Variants in NFKBIE observed in about 807,000 individuals in gnomAD.
NFKBIE encodes the protein NF-kappa-B inhibitor epsilon.
Under a neutral mutation model 31.6 loss-of-function variants are expected in NFKBIE, and 11 were observed. That is an observed-to-expected ratio of 0.35 (90% CI 0.22 to 0.58). The LOEUF (loss-of-function observed/expected upper bound fraction) is 0.58. NFKBIE is among the 20% of genes least tolerant of loss of function. NFKBIE has a pLI of 0.83. For missense variants in NFKBIE, 354 were observed against 465.7 expected, an observed-to-expected ratio of 0.76 and a Z score of 2.21; for synonymous variants, 208 against 210.1, an observed-to-expected ratio of 0.99 and a Z score of 0.09.
Position 44,261,476 on chromosome 6 carries a change from G to A in NFKBIE, c.691+150C>T, listed in dbSNP as rs563206392. 15 of 727,930 alleles carry A rather than the reference G, an allele frequency of 2.1e-5. No individual in the cohort carries two copies. The Admixed American group carries it at 3.4e-4, about 17-fold the overall frequency. 45.1% of individuals were successfully genotyped at this position (727,930 alleles called of 1,614,324 possible). A position where few individuals can be genotyped will look rare whatever the true frequency, so the allele number is the denominator to read the frequency against. ...AATCAAATCATCCATTCATTCATTT[G>A]GCAAAGATGTACTGAATATCTATGT... On this transcript the variant is annotated intron_variant, in intron 3 of 5. Coordinates refer to ENST00000619360, the MANE Select transcript of NFKBIE (RefSeq NM_004556.3). This position sits in a 1 kb window ranked among gnomAD's most constrained non-coding sequence, Gnocchi z 4.3.
rs373068223 is a variant in NFKBIE, at chr6:44,261,872, T to C, written c.469-24A>G. 7.9e-5 allele frequency: 125 copies of C among 1,585,768 alleles called. No individual in the cohort carries two copies. The highest frequency in any genetic ancestry group is 1.0e-4 in the Non-Finnish European group (122 of 1,166,666). ...GTCTGGAGGCACAAATAGAGGGTCATGGGGCCACTGCAGCATGCTCCCACC... is the reference window on the plus strand; with the variant it reads ...GTCTGGAGGCACAAATAGAGGGTCACGGGGCCACTGCAGCATGCTCCCACC... On this transcript the variant is annotated intron_variant, in intron 2 of 5. Coordinates refer to ENST00000619360, the MANE Select transcript of NFKBIE (RefSeq NM_004556.3). The surrounding 1 kb of genome is among the most constrained non-coding windows in gnomAD (Gnocchi z 4.3).
rs755705197 is a variant in NFKBIE at position 44,261,736 on chromosome 6, A to G, written c.581T>C (p.Val194Ala). Residue 194 changes from valine to alanine, a missense_variant, in exon 3 of 6, where the codon GTG becomes GCG. By Grantham distance (64) the Val-to-Ala change is moderately conservative. Coordinates refer to ENST00000619360, the MANE Select transcript of NFKBIE (RefSeq NM_004556.3). The surrounding 1 kb of genome is among the most constrained non-coding windows in gnomAD (Gnocchi z 4.3). ...GGCCAAGTGCTGGCGCTGGCAGGCC[A>G]CATGAAGGGCTGTGTCACCATGCCG... ...QDRHGDTALH[V>A]ACQRQHLACA... 23 of 1,613,952 alleles carry G rather than the reference A, an allele frequency of 1.4e-5. No individual in the cohort carries two copies. In the African/African-American group the frequency reaches 2.0e-4, roughly 14 times the overall value.
chr6:44,259,198 G>A lies in NFKBIE; in HGVS notation c.*21C>T, dbSNP rs557750802. ...CCAGATGGAGAGGTGGAGCCCTGAG[G>A]ATCCCAGACCCTGCCTGGCTTCAGT... is the stretch of plus-strand genomic sequence containing the variant. On this transcript the variant is annotated 3_prime_UTR_variant, in exon 6 of 6. Transcript: ENST00000619360. The A allele has an allele frequency of 1.9e-6, 3 of 1,613,024 alleles. No individual in the cohort carries two copies. Among genetic ancestry groups the A allele is most frequent in the South Asian group, 2.2e-5 (2 of 91,036 alleles).
rs936296367 is a variant in NFKBIE, at chr6:44,261,248, A to G, written c.691+378T>C. ...TAACATATTACATAGTTCACTTCTT[A>G]CATTTATTGCTCATCTCAATCTTTC... On this transcript the variant is annotated intron_variant, in intron 3 of 5. Transcript: ENST00000619360. The surrounding 1 kb of genome is among the most constrained non-coding windows in gnomAD (Gnocchi z 4.3). 6.6e-6 allele frequency among the ~76,000 whole-genome samples: 1 copy of G among 152,128 alleles called. No individual in the cohort carries two copies. Among genetic ancestry groups the G allele is most frequent in the African/African-American group, 2.4e-5 (1 of 41,408 alleles).
rs1157027876 is a variant in NFKBIE at position 44,258,906 on chromosome 6, A to T, written c.*313T>A. On this transcript the variant is annotated 3_prime_UTR_variant, in exon 6 of 6. Coordinates refer to ENST00000619360, the MANE Select transcript of NFKBIE (RefSeq NM_004556.3). The stretch of plus-strand genomic sequence containing the variant: ...CCTACTGGTTGGCAGTTTCAGGCTG[A>T]CCCAACATGGGTAAAACAAGAGCAC... 3.9e-6 allele frequency: 1 copy of T among 258,562 alleles called. No individual in the cohort carries two copies. The highest frequency in any genetic ancestry group is 7.9e-6 in the Non-Finnish European group (1 of 126,532). 16.0% of individuals were successfully genotyped at this position (258,562 alleles called of 1,614,324 possible).
Position 44,263,770 on chromosome 6 carries a change from G to C in NFKBIE, c.366-1108C>G, listed in dbSNP as rs538378885. Among the ~76,000 whole-genome samples the C allele has an allele frequency of 7.2e-5, 11 of 152,192 alleles. No homozygotes were observed. The highest frequency in any genetic ancestry group is 2.6e-4 in the African/African-American group (11 of 41,512). On this transcript the variant is annotated intron_variant, in intron 1 of 5. Transcript: ENST00000619360. This position sits in a 1 kb window ranked among gnomAD's most constrained non-coding sequence, Gnocchi z 5.0. ...CTCTGGGGACTCGCTGGGGAGCCCG[G>C]ACATTTCTCCCCTCCACACACACAC...
chr6:44,264,716 C>G (rs901838014), intron 1 of NFKBIE, among the ~76,000 whole-genome samples: 2 of 152,202 alleles, frequency 1.3e-5, no homozygotes, highest in African/African-American at 4.8e-5. Flanking sequence ...GGAATTTTCT[C>G]TTCCTAAGGG....
Position 44,260,208 on chromosome 6 carries a change from G to C in NFKBIE, c.855C>G (p.Leu285=), listed in dbSNP as rs775795830. 1.3e-5 allele frequency: 21 copies of C among 1,614,184 alleles called. No individual in the cohort carries two copies. In the South Asian group the frequency reaches 2.0e-4, roughly 15 times the overall value. The change falls in exon 5 of 6, where the codon CTC becomes CTG. Residue 285 remains leucine (L), a synonymous_variant. Transcript: ENST00000619360. This position sits in a 1 kb window ranked among gnomAD's most constrained non-coding sequence, Gnocchi z 5.5. The part of the protein sequence containing the change: ...TQERGLVQFL[L]QAGAQVDARM... ...GGGCATCTACCTGGGCACCAGCCTG[G>C]AGCAGGAACTGTACCAGGCCCCGCT...
In NFKBIE at chr6:44,264,979, C is replaced by T; in HGVS notation, c.365+3G>A. On this transcript the variant is annotated splice_donor_region_variant and intron_variant, in intron 1 of 5. Transcript: ENST00000619360. ...CCCGATTCAGCCTAGCCCCCATACTCACGTGTCTCCGTCCTCGGAGATGTA... is the reference window on the plus strand; with the variant it reads ...CCCGATTCAGCCTAGCCCCCATACTTACGTGTCTCCGTCCTCGGAGATGTA... 1 of 1,563,048 alleles carries T rather than the reference C, an allele frequency of 6.4e-7. No homozygotes were observed. Among genetic ancestry groups the T allele is most frequent in the African/African-American group, 1.3e-5 (1 of 74,564 alleles).
chr6:44,259,090 C>T lies in NFKBIE; in HGVS notation c.*129G>A. 2.1e-6 allele frequency: 2 copies of T among 936,184 alleles called. No individual in the cohort carries two copies. The highest frequency in any genetic ancestry group is 2.7e-5 in the South Asian group (2 of 74,156). The allele number at this position is 936,184 out of a possible 1,614,324, so 58.0% of individuals were successfully genotyped here. A position where few individuals can be genotyped will look rare whatever the true frequency, so the allele number is the denominator to read the frequency against. Reference sequence around the variant, plus strand: ...CGGCTCAGGACTGTACTGGCTGGCCCCAGGCTCTGGCCACAGCAGTCCCTA... The same window carrying T: ...CGGCTCAGGACTGTACTGGCTGGCCTCAGGCTCTGGCCACAGCAGTCCCTA... On this transcript the variant is annotated 3_prime_UTR_variant, in exon 6 of 6. Transcript: ENST00000619360.
At position 44,265,399 on chromosome 6, in the gene NFKBIE, C is replaced by T. The variant is rs150336744; in HGVS notation, c.-53G>A. ...GGTCTGAGCAGGATCCGGCTCCAGGCTCCGCCGCGCCGCCTTTCCGGGTTG... is the reference window on the plus strand; with the variant it reads ...GGTCTGAGCAGGATCCGGCTCCAGGTTCCGCCGCGCCGCCTTTCCGGGTTG... On this transcript the variant is annotated 5_prime_UTR_variant, in exon 1 of 6. Coordinates refer to ENST00000619360, the MANE Select transcript of NFKBIE (RefSeq NM_004556.3). 115 of 1,549,952 alleles carry T rather than the reference C, an allele frequency of 7.4e-5. No homozygotes were observed. In the African/African-American group the frequency reaches 1.5e-3, roughly 20 times the overall value.
chr6:44,265,400 T>C lies in NFKBIE; in HGVS notation c.-54A>G, dbSNP rs758527854. 10 of 1,549,596 alleles carry C rather than the reference T, an allele frequency of 6.5e-6. No individual in the cohort carries two copies. Among genetic ancestry groups the C allele is most frequent in the African/African-American group, 1.4e-5 (1 of 72,264 alleles). On this transcript the variant is annotated 5_prime_UTR_variant, in exon 1 of 6. Coordinates refer to ENST00000619360, the MANE Select transcript of NFKBIE (RefSeq NM_004556.3). Reference sequence around the variant, plus strand: ...GTCTGAGCAGGATCCGGCTCCAGGCTCCGCCGCGCCGCCTTTCCGGGTTGC... The same window carrying C: ...GTCTGAGCAGGATCCGGCTCCAGGCCCCGCCGCGCCGCCTTTCCGGGTTGC...
chr6:44,264,924 G>C, intron 1 of NFKBIE, 58 bp downstream of exon 1: 2 of 1,529,418 alleles, frequency 1.3e-6, no homozygotes, highest in South Asian at 2.4e-5. Context: ...CCGACCTGTT[G>C]CGGCTCTTGG....
rs1393237027 is a variant in NFKBIE at position 44,260,317 on chromosome 6, A to C, written c.781-35T>G. On this transcript the variant is annotated intron_variant, in intron 4 of 5. Coordinates refer to ENST00000619360, the MANE Select transcript of NFKBIE (RefSeq NM_004556.3). The surrounding 1 kb of genome is among the most constrained non-coding windows in gnomAD (Gnocchi z 5.5). ...AATAAGGATGTCAGCCAAGGCCCTC[A>C]GAGGCAGTGTGCTGGGCCTGGGCTC... The C allele has an allele frequency of 1.2e-6, 2 of 1,606,156 alleles. No homozygotes were observed. The highest frequency in any genetic ancestry group is 1.7e-6 in the Non-Finnish European group (2 of 1,173,718).
At position 44,261,937 on chromosome 6, in the gene NFKBIE, G is replaced by A; in HGVS notation, c.469-89C>T. On this transcript the variant is annotated intron_variant, in intron 2 of 5. Coordinates refer to ENST00000619360, the MANE Select transcript of NFKBIE (RefSeq NM_004556.3). This position sits in a 1 kb window ranked among gnomAD's most constrained non-coding sequence, Gnocchi z 4.3. ...TGGGCTCAAGAATCACCAGCTGCCA[G>A]CATCTTCTTTGAAAGCAGCTTATAA... 8.1e-7 allele frequency: 1 copy of A among 1,235,042 alleles called. No homozygotes were observed. The highest frequency in any genetic ancestry group is 1.1e-6 in the Non-Finnish European group (1 of 881,812). The allele number at this position is 1,235,042 out of a possible 1,614,324, so 76.5% of individuals were successfully genotyped here. A position where few individuals can be genotyped will look rare whatever the true frequency, so the allele number is the denominator to read the frequency against.
In NFKBIE at chr6:44,260,806, TC is replaced by T. The variant is rs1781869433; in HGVS notation, c.692-268del. Among the ~76,000 whole-genome samples the T allele has an allele frequency of 1.5e-5, 2 of 130,886 alleles. No individual in the cohort carries two copies. Among genetic ancestry groups the T allele is most frequent in the South Asian group, 4.9e-4 (2 of 4,114 alleles). 85.9% of individuals were successfully genotyped at this position (130,886 alleles called of 152,430 possible). A position where few individuals can be genotyped will look rare whatever the true frequency, so the allele number is the denominator to read the frequency against. ...TGAGTGACACCCCCAAAGAACACCC[TC>T]CTCCTATACACAAACTACAACACAC... On this transcript the variant is annotated intron_variant, in intron 3 of 5. Coordinates refer to ENST00000619360, the MANE Select transcript of NFKBIE (RefSeq NM_004556.3). This position sits in a 1 kb window ranked among gnomAD's most constrained non-coding sequence, Gnocchi z 5.5.
Position 44,259,092 on chromosome 6 carries a change from A to C in NFKBIE, c.*127T>G. On this transcript the variant is annotated 3_prime_UTR_variant, in exon 6 of 6. Coordinates refer to ENST00000619360, the MANE Select transcript of NFKBIE (RefSeq NM_004556.3). ...GCTCAGGACTGTACTGGCTGGCCCC[A>C]GGCTCTGGCCACAGCAGTCCCTAGG... The C allele has an allele frequency of 1.1e-6, 1 of 943,366 alleles. No homozygotes were observed. Among genetic ancestry groups the C allele is most frequent in the Non-Finnish European group, 1.7e-6 (1 of 597,226 alleles). The allele number at this position is 943,366 out of a possible 1,614,324, so 58.4% of individuals were successfully genotyped here.
In NFKBIE at chr6:44,262,492, TATGGCTGCTGGGA is replaced by T. The variant is rs1419977458; in HGVS notation, c.468+55_468+67del. ...CCTAAGTGAGCAGCCTTTGGACTGG[TATGGCTGCTGGGA>T]ATGGCTGCCAGGGCACAAACAGGTA... On this transcript the variant is annotated intron_variant, in intron 2 of 5. Transcript: ENST00000619360. 2.8e-5 allele frequency: 38 copies of T among 1,358,954 alleles called. No individual in the cohort carries two copies. The African/African-American group carries it at 4.9e-4, about 17-fold the overall frequency. The allele number at this position is 1,358,954 out of a possible 1,614,324, so 84.2% of individuals were successfully genotyped here. A position where few individuals can be genotyped will look rare whatever the true frequency, so the allele number is the denominator to read the frequency against.
Position 44,265,520 on chromosome 6 carries a change from G to C in NFKBIE, c.-174C>G, listed in dbSNP as rs1328601337. The C allele has an allele frequency of 5.1e-6, 8 of 1,562,080 alleles. No individual in the cohort carries two copies. Among genetic ancestry groups the C allele is most frequent in the Non-Finnish European group, 5.2e-6 (6 of 1,155,636 alleles). On this transcript the variant is annotated 5_prime_UTR_variant, in exon 1 of 6. Coordinates refer to ENST00000619360, the MANE Select transcript of NFKBIE (RefSeq NM_004556.3). ...CCGGCGCGCAGCGAGGACAAGGTTC[G>C]GAGCGCTGGCCAGGTCCACCCAGCG...
Sources: gnomAD v4.1 joint callset for allele counts (sites outside exome capture counted in the v4.1 genomes callset) on GRCh38, gnomAD v4.1.1 for gene constraint, Gnocchi (gnomAD v3.1) non-coding constraint, MANE v1.5 for transcripts, NCBI Gene and HGNC (gene_info 2026-07-23, HGNC 2026-07-21) for gene names.